Variants in IQSEC1 observed in about 807,000 individuals in gnomAD.
The protein encoded by IQSEC1 is IQ motif and Sec7 domain ArfGEF 1.
A neutral mutation model predicts 91.0 loss-of-function variants in IQSEC1; 31 were observed. The observed-to-expected ratio is 0.34, with a 90% confidence interval of 0.26 to 0.46. IQSEC1 has a LOEUF of 0.46. Among genes scored for constraint, IQSEC1 ranks in the 20% least tolerant of loss-of-function variants. The pLI is 1.00. For synonymous variants in IQSEC1, 699 were observed against 662.6 expected, an observed-to-expected ratio of 1.05 and a Z score of -0.84; for missense variants, 1,388 against 1,575.6, an observed-to-expected ratio of 0.88 and a Z score of 2.02.
chr3:12,899,577 C>G lies in IQSEC1; in HGVS notation c.*1406G>C, dbSNP rs372670631. The G allele has an allele frequency of 1.4e-6, 2 of 1,472,428 alleles. No homozygotes were observed. Among genetic ancestry groups the G allele is most frequent in the African/African-American group, 2.8e-5 (2 of 70,542 alleles). The allele number at this position is 1,472,428 out of a possible 1,614,324, so 91.2% of individuals were successfully genotyped here. On this transcript the variant is annotated 3_prime_UTR_variant, in exon 14 of 14. Transcript: ENST00000613206. The stretch of plus-strand genomic sequence containing the variant: ...GTGATGCCCTGGCAGCTCACTGGAC[C>G]ATGGGAAGGCAGCGGGGGCTCCGCC...
At position 13,192,524 on chromosome 3, in the gene IQSEC1, G is replaced by T. The variant is rs1187423043; in HGVS notation, c.273-28391C>A. ...GATGCAGGAAGACAGCCCTGCGGAG[G>T]TGGAGGTGGAGACAGGAGGGAAGCA... On this transcript the variant is annotated intron_variant, in intron 1 of 15. Transcript: ENST00000648114. Among the ~76,000 whole-genome samples the T allele has an allele frequency of 3.9e-5, 6 of 152,160 alleles. No individual in the cohort carries two copies. The East Asian group carries it at 1.2e-3, about 29-fold the overall frequency.
At chr3:13,213,731 G>C (rs1559278668) in intron 1 of IQSEC1, among the ~76,000 whole-genome samples, 1 of 152,114 alleles carries the variant, frequency 6.6e-6, no homozygotes, top group Non-Finnish European at 1.5e-5. Flanking sequence ...AGTGTGAGTG[G>C]GTCCCAGGGA....
chr3:13,069,180 TG>T (rs1705333064), intron 1 of IQSEC1, among the ~76,000 whole-genome samples: 2 of 152,112 alleles, frequency 1.3e-5, no homozygotes, highest in African/African-American at 4.8e-5. Flanking sequence ...TAGTGATCAC[TG>T]CATGGCAAGA....
intron 5 of IQSEC1, among the ~76,000 whole-genome samples, chr3:12,921,424 C>A (rs1037121207): frequency 6.6e-6 from 1 of 152,174 alleles, no homozygotes; most frequent in African/African-American, 2.4e-5. Context: ...GCCGCCCACA[C>A]CCAGCACCAA....
chr3:13,096,162 C>A (rs1196345789), intron 2 of IQSEC1, among the ~76,000 whole-genome samples: 1 of 152,066 alleles, frequency 6.6e-6, no homozygotes, highest in Non-Finnish European at 1.5e-5. Flanking sequence ...GCTTTCCTAT[C>A]CCCTCTTTTT....
At chr3:13,098,254 C>G (rs1449464874) in intron 2 of IQSEC1, among the ~76,000 whole-genome samples, 2 of 152,208 alleles carry the variant, frequency 1.3e-5, no homozygotes, top group Non-Finnish European at 2.9e-5. Context: ...GCAGGGGCAG[C>G]CTGGCAATCA....
In IQSEC1 at chr3:13,211,260, C is replaced by T. The variant is rs1318652177; in HGVS notation, c.273-47127G>A. ...CCTGTGATGACGGGGGTCTCACCAC[C>T]TCCTCGACAGCAATGAACATGAAAG... On this transcript the variant is annotated intron_variant, in intron 1 of 15. Coordinates refer to the IQSEC1 transcript ENST00000648114. The surrounding 1 kb of genome is among the most constrained non-coding windows in gnomAD (Gnocchi z 5.3). Among the ~76,000 whole-genome samples, 1 of 152,206 alleles carries T rather than the reference C, an allele frequency of 6.6e-6. No individual in the cohort carries two copies. Among genetic ancestry groups the T allele is most frequent in the East Asian group, 1.9e-4 (1 of 5,194 alleles).
At position 12,976,018 on chromosome 3, in the gene IQSEC1, C is replaced by T. The variant is rs572930334; in HGVS notation, c.24-34153G>A. 5.6e-4 allele frequency among the ~76,000 whole-genome samples: 86 copies of T among 152,386 alleles called. No homozygotes were observed. In the South Asian group the frequency reaches 0.017, roughly 30 times the overall value. The stretch of plus-strand genomic sequence containing the variant: ...CTGTATAGCCTTGGGCGTCACTTCT[C>T]TGAGCCTCAGTTTCCTCCTCTGTGA... On this transcript the variant is annotated intron_variant, in intron 1 of 13. Coordinates refer to ENST00000613206, the MANE Select transcript of IQSEC1 (RefSeq NM_001134382.3).
chr3:13,135,149 G>A (rs1045040051), intron 2 of IQSEC1, among the ~76,000 whole-genome samples: 9 of 152,332 alleles, frequency 5.9e-5, no homozygotes, highest in African/African-American at 2.2e-4. Flanking sequence ...ATGTGAATGC[G>A]GGCTGCCTTA....
intron 2 of IQSEC1, among the ~76,000 whole-genome samples, chr3:13,132,893 A>G (rs1415619927): frequency 6.6e-6 from 1 of 152,104 alleles, no homozygotes; most frequent in East Asian, 1.9e-4. Flanking sequence ...TATCTCCCCC[A>G]CCACAACCCC....
Position 13,282,646 on chromosome 3 carries a change from G to A in IQSEC1, c.272+65C>T, listed in dbSNP as rs1695818044. 6.6e-6 allele frequency among the ~76,000 whole-genome samples: 1 copy of A among 151,642 alleles called. No individual in the cohort carries two copies. Among genetic ancestry groups the A allele is most frequent in the Non-Finnish European group, 1.5e-5 (1 of 67,798 alleles). ...GCCCACCTCCCCGCCAAGCCCCGAG[G>A]GAAGCCGCGGACCCCAAGAAGTTCC... On this transcript the variant is annotated intron_variant, in intron 1 of 15. Transcript: ENST00000648114. This position sits in a 1 kb window ranked among gnomAD's most constrained non-coding sequence, Gnocchi z 6.4.
intron 1 of IQSEC1, among the ~76,000 whole-genome samples, chr3:13,220,920 C>T (rs1186449974): frequency 6.6e-6 from 1 of 152,238 alleles, no homozygotes; most frequent in Non-Finnish European, 1.5e-5. Flanking sequence ...CGGGCCACTT[C>T]ACAGGCATTA....
intron 2 of IQSEC1, among the ~76,000 whole-genome samples, chr3:13,116,107 C>T (rs1706329694): frequency 6.6e-6 from 1 of 152,216 alleles, no homozygotes; most frequent in South Asian, 2.1e-4. Context: ...TACTTTATCC[C>T]TGGAGGGTGA....
chr3:13,181,098 C>T (rs902741453), intron 1 of IQSEC1, among the ~76,000 whole-genome samples: 7 of 152,110 alleles, frequency 4.6e-5, no homozygotes, highest in Non-Finnish European at 1.0e-4. Flanking sequence ...GGTGAAACCC[C>T]GTCTCTACTA....
intron 1 of IQSEC1, among the ~76,000 whole-genome samples, chr3:13,039,782 C>A (rs1041155866): frequency 6.6e-6 from 1 of 152,312 alleles, no homozygotes; most frequent in East Asian, 1.9e-4. Flanking sequence ...TATTTCTGGT[C>A]GACAACTGCT....
At chr3:13,190,557 A>AAAAAAACAAC (rs761514014) in intron 1 of IQSEC1, among the ~76,000 whole-genome samples, 36 of 148,078 alleles carry the variant, frequency 2.4e-4, no homozygotes, top group Non-Finnish European at 3.3e-4. Flanking sequence ...CCCTGTCTCA[A>AAAAAAACAAC]AAAAAAAAAA....
chr3:13,146,881 CTGCATAAAAGAAACGTGGG>C (rs1706907119), intron 2 of IQSEC1, among the ~76,000 whole-genome samples: 1 of 152,194 alleles, frequency 6.6e-6, no homozygotes, highest in Non-Finnish European at 1.5e-5. Context: ...CTGCTCCGGG[CTGCATAAAAGAAACGTGGG>C]TGTGGAAGTC....
At position 12,935,511 on chromosome 3, in the gene IQSEC1, G is replaced by A; in HGVS notation, c.1505C>T (p.Pro502Leu). ...HKEARNSWDS[P>L]AFSNDVIRKR... Reference sequence around the variant, plus strand: ...GCGGATGACATCGTTGCTAAAGGCAGGCGAGTCCCAGCTGTTGCGGGCCTC... The same window carrying A: ...GCGGATGACATCGTTGCTAAAGGCAAGCGAGTCCCAGCTGTTGCGGGCCTC... Residue 502 changes from proline to leucine, a missense_variant, in exon 3 of 14, where the codon CCT becomes CTT. Pro to Leu is a moderately conservative substitution (Grantham distance 98). Coordinates refer to ENST00000613206, the MANE Select transcript of IQSEC1 (RefSeq NM_001134382.3). This position sits in a 1 kb window ranked among gnomAD's most constrained non-coding sequence, Gnocchi z 8.0. 3 of 1,613,992 alleles carry A rather than the reference G, an allele frequency of 1.9e-6. No individual in the cohort carries two copies. The highest frequency in any genetic ancestry group is 2.5e-6 in the Non-Finnish European group (3 of 1,179,906).
At position 12,899,533 on chromosome 3, in the gene IQSEC1, G is replaced by A; in HGVS notation, c.*1450C>T. ...TGTCACCACAACACAGAAGCGACAA[G>A]AGCACAGCTGAGAGTCATGTGATGC... On this transcript the variant is annotated 3_prime_UTR_variant, in exon 14 of 14. Coordinates refer to ENST00000613206, the MANE Select transcript of IQSEC1 (RefSeq NM_001134382.3). 6.6e-7 allele frequency: 1 copy of A among 1,525,932 alleles called. No individual in the cohort carries two copies. The highest frequency in any genetic ancestry group is 8.9e-7 in the Non-Finnish European group (1 of 1,128,252). 94.5% of individuals were successfully genotyped at this position (1,525,932 alleles called of 1,614,324 possible). A position where few individuals can be genotyped will look rare whatever the true frequency, so the allele number is the denominator to read the frequency against.
Sources: allele counts gnomAD v4.1 joint callset (sites outside exome capture counted in the v4.1 genomes callset), GRCh38; gene constraint gnomAD v4.1.1; non-coding constraint Gnocchi (gnomAD v3.1); transcripts MANE v1.5; gene names NCBI Gene and HGNC (gene_info 2026-07-23, HGNC 2026-07-21).